CNBD1: variants seen among roughly 807,000 people sequenced by gnomAD.
The protein encoded by CNBD1 is cyclic nucleotide binding domain containing 1.
In CNBD1, 71 loss-of-function variants were observed where a neutral mutation model predicts 54.4. The ratio of observed to expected loss-of-function variants is 1.30; its 90% CI spans 1.08 to 1.59. CNBD1 has a LOEUF of 1.59. Ranked by LOEUF, CNBD1 falls within the 40% of genes most tolerant of loss-of-function variation. CNBD1 has a pLI of 0.00. For synonymous variants in CNBD1, 182 were observed against 170.7 expected (o/e 1.07, Z -0.51); for missense variants, 659 against 518.0 (o/e 1.27, Z -2.64).
chr8:87,310,331 G>A (rs905910853), intron 8 of CNBD1, among the ~76,000 whole-genome samples: 5 of 151,926 alleles, frequency 3.3e-5, no homozygotes, highest in African/African-American at 1.2e-4. Flanking sequence ...CTCCAGCCTG[G>A]GTGATAGAGT....
At chr8:87,155,036 A>C (rs536540252) in intron 4 of CNBD1, among the ~76,000 whole-genome samples, 1 of 152,182 alleles carries the variant, frequency 6.6e-6, no homozygotes, top group Admixed American at 6.5e-5. Flanking sequence ...AGGTGGGAAG[A>C]TTTGCTCTAG....
At chr8:87,266,438 C>CTTTTTTTTTTTTTTTT (rs72293236) in intron 6 of CNBD1, among the ~76,000 whole-genome samples, 2 of 50,120 alleles carry the variant, frequency 4.0e-5, no homozygotes, top group Non-Finnish European at 6.6e-5. Context: ...AAAAAAAAAT[C>CTTTTTTTTTTTTTTTT]TTTTTTTTTT....
intron 8 of CNBD1, among the ~76,000 whole-genome samples, chr8:87,349,842 G>T (rs1810249086): frequency 1.3e-5 from 2 of 152,168 alleles, no homozygotes; most frequent in Non-Finnish European, 2.9e-5. Flanking sequence ...CTGCGTCATA[G>T]ATTTTGCAAC....
rs144076067 is a variant in CNBD1, at chr8:86,918,788, C to G, written c.272+13594C>G. On this transcript the variant is annotated intron_variant, in intron 3 of 10. Transcript: ENST00000518476. Reference sequence around the variant, plus strand: ...GTGTGAAAACAAACTAATACACATGCTATCTTTCTTTAAAAAAAAAAAAAA... The same window carrying G: ...GTGTGAAAACAAACTAATACACATGGTATCTTTCTTTAAAAAAAAAAAAAA... Among the ~76,000 whole-genome samples, 477 of 135,484 alleles carry G rather than the reference C, an allele frequency of 3.5e-3. 3 individuals carry two copies. The highest frequency in any genetic ancestry group is 0.012 in the African/African-American group (461 of 37,744). The allele number at this position is 135,484 out of a possible 152,430, so 88.9% of individuals were successfully genotyped here. A position where few individuals can be genotyped will look rare whatever the true frequency, so the allele number is the denominator to read the frequency against.
chr8:87,202,325 G>A (rs1395322921), intron 4 of CNBD1, among the ~76,000 whole-genome samples: 1 of 152,076 alleles, frequency 6.6e-6, no homozygotes, highest in African/African-American at 2.4e-5. Context: ...ACAATACAAG[G>A]AAAGATACAG....
chr8:86,973,710 A>G (rs1263138071), intron 4 of CNBD1, among the ~76,000 whole-genome samples: 2 of 152,188 alleles, frequency 1.3e-5, no homozygotes, highest in Non-Finnish European at 2.9e-5. Context: ...CTTTTGTACT[A>G]CCAGGTGGAA....
At chr8:87,228,973 G>C (rs376207033) in intron 5 of CNBD1, among the ~76,000 whole-genome samples, 1 of 152,180 alleles carries the variant, frequency 6.6e-6, no homozygotes, top group Non-Finnish European at 1.5e-5. Context: ...TCGGAAAAGC[G>C]CGGTATTCGG....
chr8:87,051,074 A>G (rs73693005), intron 4 of CNBD1, among the ~76,000 whole-genome samples: 1,989 of 152,292 alleles, frequency 0.013, 37 homozygotes, highest in African/African-American at 0.044. Flanking sequence ...CAGCTCACAT[A>G]TGGGCTAGAA....
intron 8 of CNBD1, among the ~76,000 whole-genome samples, chr8:87,297,312 A>G (rs1271724455): frequency 1.3e-5 from 2 of 152,120 alleles, no homozygotes; most frequent in Non-Finnish European, 1.5e-5. Flanking sequence ...TTAAGTCTTC[A>G]AAATCCAGTG....
chr8:87,291,699 G>A (rs1036663912), intron 8 of CNBD1, among the ~76,000 whole-genome samples: 2 of 152,034 alleles, frequency 1.3e-5, no homozygotes, highest in East Asian at 3.9e-4. Context: ...ATCCAGGCTG[G>A]ACTCAAACTC....
chr8:87,232,612 A>G (rs1233461741), intron 5 of CNBD1, among the ~76,000 whole-genome samples: 2 of 148,842 alleles, frequency 1.3e-5, no homozygotes, highest in Non-Finnish European at 2.9e-5. Context: ...AGCATTTTAC[A>G]AAATTAAAAA....
Position 87,036,971 on chromosome 8 carries a change from G to A in CNBD1, c.431+97217G>A, listed in dbSNP as rs577902860. Among the ~76,000 whole-genome samples the A allele has an allele frequency of 3.3e-5, 5 of 152,258 alleles. No individual in the cohort carries two copies. The South Asian group carries it at 1.0e-3, about 32-fold the overall frequency. ...AAGACAAACCTTTTTGGCAAATGAT[G>A]TCTCTTCTTCTCGCTTCATTTACTT... is the stretch of plus-strand genomic sequence containing the variant. On this transcript the variant is annotated intron_variant, in intron 4 of 10. Transcript: ENST00000518476.
At chr8:87,007,797 A>T (rs1303793159) in intron 4 of CNBD1, among the ~76,000 whole-genome samples, 1 of 152,214 alleles carries the variant, frequency 6.6e-6, no homozygotes, top group Non-Finnish European at 1.5e-5. Context: ...ATTTGTTTTT[A>T]CTAAATTTAC....
At chr8:87,381,695 A>T (rs1380373540) in intron 10 of CNBD1, among the ~76,000 whole-genome samples, 1 of 152,058 alleles carries the variant, frequency 6.6e-6, no homozygotes, top group East Asian at 1.9e-4. Context: ...AAATTCTGCA[A>T]TATGTAATAG....
At chr8:87,045,744 A>AAAAAAAAAC (rs1554549758) in intron 4 of CNBD1, among the ~76,000 whole-genome samples, 1 of 146,672 alleles carries the variant, frequency 6.8e-6, no homozygotes, top group African/African-American at 2.6e-5. Flanking sequence ...AAAAAAAAAA[A>AAAAAAAAAC]CAGTACACAT....
chr8:87,272,548 T>A (rs79991936), intron 6 of CNBD1, among the ~76,000 whole-genome samples: 2,822 of 152,042 alleles, frequency 0.019, 75 homozygotes, highest in African/African-American at 0.064. Flanking sequence ...TTCCTTTGAA[T>A]AAGACAGGAG....
chr8:87,205,537 C>A (rs995253445), intron 4 of CNBD1, among the ~76,000 whole-genome samples: 3 of 151,972 alleles, frequency 2.0e-5, no homozygotes, highest in African/African-American at 4.8e-5. Flanking sequence ...ACGATTTATA[C>A]CCTTAAGTGT....
chr8:87,036,619 AG>A (rs1373148565), intron 4 of CNBD1, among the ~76,000 whole-genome samples: 11 of 149,664 alleles, frequency 7.3e-5, no homozygotes, highest in East Asian at 5.9e-4. Flanking sequence ...AAAAAAAAAA[AG>A]ATTGGTCACA....
At chr8:87,114,862 C>T (rs996751710) in intron 4 of CNBD1, among the ~76,000 whole-genome samples, 2 of 152,112 alleles carry the variant, frequency 1.3e-5, no homozygotes, top group African/African-American at 2.4e-5. Context: ...CACATGTTCA[C>T]GTTCATCAGG....
Sources: gnomAD v4.1 joint callset for allele counts (sites outside exome capture counted in the v4.1 genomes callset) on GRCh38, gnomAD v4.1.1 for gene constraint, MANE v1.5 for transcripts, NCBI Gene and HGNC (gene_info 2026-07-23, HGNC 2026-07-21) for gene names.